Variants in TOMM20L observed in about 807,000 individuals in gnomAD.
TOMM20L encodes the protein TOMM20-like protein 1.
TOMM20L carries 19 observed loss-of-function variants against 20.4 expected under a neutral mutation model. The ratio of observed to expected loss-of-function variants is 0.93; its 90% CI spans 0.65 to 1.36. The LOEUF (loss-of-function observed/expected upper bound fraction) is 1.36. Among genes scored for constraint, TOMM20L ranks in the 40% most tolerant of loss-of-function variants. The pLI is 0.00. For missense variants in TOMM20L, 218 were observed against 203.7 expected (o/e 1.07, Z -0.43); for synonymous variants, 75 against 79.6 (o/e 0.94, Z 0.30).
chr14:58,411,819 G>A, downstream of TOMM20L: 1 of 1,238,342 alleles, frequency 8.1e-7, no homozygotes. Flanking sequence ...TTACAGATGT[G>A]AGCCACTGCA....
intron 4 of TOMM20L, among the ~76,000 whole-genome samples, chr14:58,408,173 T>C (rs1456290101): frequency 6.6e-6 from 1 of 152,068 alleles, no homozygotes; most frequent in South Asian, 2.1e-4. Flanking sequence ...TCCTAGCACT[T>C]TGGGAGGCTG....
the TOMM20L span, among the ~76,000 whole-genome samples, chr14:58,414,625 C>G: frequency 1.3e-5 from 2 of 151,012 alleles, no homozygotes; most frequent in African/African-American, 2.4e-5. Context: ...GTAATCCCAG[C>G]TACTCAGGAG....
At chr14:58,412,006 A>G, downstream of TOMM20L, 1 of 1,513,602 alleles carries the variant, frequency 6.6e-7, no homozygotes, top group Non-Finnish European at 9.2e-7. Flanking sequence ...TTGTCAATCT[A>G]TAAACAAATG....
At position 58,407,350 on chromosome 14, in the gene TOMM20L, A is replaced by T. The variant is rs780014985; in HGVS notation, c.287A>T (p.His96Leu). 2 of 1,609,460 alleles carry T rather than the reference A, an allele frequency of 1.2e-6. No homozygotes were observed. Among genetic ancestry groups the T allele is most frequent in the Non-Finnish European group, 1.7e-6 (2 of 1,178,528 alleles). The change falls in exon 4 of 5, where the codon CAC becomes CTC. Residue 96 changes from histidine (H) to leucine (L), a missense_variant. Transcript: ENST00000360945. ...GGAGAGCACAGAATGGGGATTCAAC[A>T]CCTCGGCAATGCCCTTTTAGTGTGC... is the stretch of plus-strand genomic sequence containing the variant. ...SRGEHRMGIQ[H>L]LGNALLVCEQ...
chr14:58,408,071 A>C (rs1021359093), intron 4 of TOMM20L, among the ~76,000 whole-genome samples: 9 of 152,220 alleles, frequency 5.9e-5, no homozygotes, highest in Non-Finnish European at 1.3e-4. Context: ...ACTCTTAAAC[A>C]TTCCCAAACT....
intron 1 of TOMM20L, 61 bp from the exon 2 acceptor site, chr14:58,396,237 T>C (rs1007012986): frequency 6.9e-6 from 11 of 1,604,586 alleles, no homozygotes; most frequent in Non-Finnish European, 9.4e-6. Flanking sequence ...GCAGGACCAC[T>C]GGGCCCACGC....
intron 2 of TOMM20L, among the ~76,000 whole-genome samples, chr14:58,399,493 G>A (rs1270974464): frequency 6.6e-6 from 1 of 152,068 alleles, no homozygotes; most frequent in Non-Finnish European, 1.5e-5. Flanking sequence ...GATTCAGTAG[G>A]TCTGGGTGGA....
chr14:58,399,379 G>A (rs1566741589), intron 2 of TOMM20L, among the ~76,000 whole-genome samples: 1 of 152,038 alleles, frequency 6.6e-6, no homozygotes. Flanking sequence ...CAGTAGCCTG[G>A]GGAATTCTTA....
chr14:58,397,094 A>G (rs1382537739), intron 2 of TOMM20L, among the ~76,000 whole-genome samples: 1 of 152,192 alleles, frequency 6.6e-6, no homozygotes, highest in African/African-American at 2.4e-5. Context: ...GGGTGTTCCT[A>G]TGTTGCCCAG....
intron 3 of TOMM20L, among the ~76,000 whole-genome samples, chr14:58,404,028 T>G (rs536970876): frequency 7.4e-6 from 1 of 135,938 alleles, no homozygotes; most frequent in African/African-American, 2.7e-5. Flanking sequence ...TTTCTTAATT[T>G]AAGAAGTAAC....
intron 3 of TOMM20L, among the ~76,000 whole-genome samples, chr14:58,404,390 A>C (rs2036032909): frequency 6.6e-6 from 1 of 150,704 alleles, no homozygotes; most frequent in African/African-American, 2.4e-5. Flanking sequence ...CGGCCTCCCA[A>C]AGTGCTGGGA....
chr14:58,405,614 CGT>C (rs2036047866), intron 3 of TOMM20L, among the ~76,000 whole-genome samples: 1 of 152,186 alleles, frequency 6.6e-6, no homozygotes, highest in East Asian at 1.9e-4. Flanking sequence ...AAGCAATTCT[CGT>C]GTCTCAGCCT....
chr14:58,408,697 C>G lies in TOMM20L; in HGVS notation c.*115C>G. 1 of 1,023,548 alleles carries G rather than the reference C, an allele frequency of 9.8e-7. No individual in the cohort carries two copies. Among genetic ancestry groups the G allele is most frequent in the Non-Finnish European group, 1.4e-6 (1 of 708,042 alleles). 63.4% of individuals were successfully genotyped at this position (1,023,548 alleles called of 1,614,324 possible). A position where few individuals can be genotyped will look rare whatever the true frequency, so the allele number is the denominator to read the frequency against. Reference sequence around the variant, plus strand: ...CTTTGAGTAATAAAAATTTTTCTATCTCATACATGATCGAACACATAAGTT... The same window carrying G: ...CTTTGAGTAATAAAAATTTTTCTATGTCATACATGATCGAACACATAAGTT... On this transcript the variant is annotated 3_prime_UTR_variant, in exon 5 of 5. Transcript: ENST00000360945.
intron 2 of TOMM20L, among the ~76,000 whole-genome samples, chr14:58,402,349 T>C (rs1161241028): frequency 1.3e-5 from 2 of 151,924 alleles, no homozygotes; most frequent in Non-Finnish European, 2.9e-5. Flanking sequence ...AGTGCAATGG[T>C]GTGATCTTGG....
At chr14:58,397,435 G>A (rs879510364) in intron 2 of TOMM20L, among the ~76,000 whole-genome samples, 4 of 152,304 alleles carry the variant, frequency 2.6e-5, no homozygotes, top group Middle Eastern at 3.4e-3. Flanking sequence ...AACAGGGATG[G>A]CAAGGTTTTG....
the TOMM20L span, among the ~76,000 whole-genome samples, chr14:58,415,640 T>G: frequency 6.6e-6 from 1 of 151,920 alleles, no homozygotes; most frequent in Non-Finnish European, 1.5e-5. Context: ...AGCCAGAAAA[T>G]AGAATTCTTC....
chr14:58,414,020 A>AAAG, the TOMM20L span, among the ~76,000 whole-genome samples: 1 of 148,452 alleles, frequency 6.7e-6, no homozygotes, highest in Non-Finnish European at 1.5e-5. Flanking sequence ...AAAAAAAAAA[A>AAAG]AAAAAAAAAA....
Position 58,408,676 on chromosome 14 carries a change from G to T in TOMM20L, c.*94G>T. 7.7e-7 allele frequency: 1 copy of T among 1,307,094 alleles called. No individual in the cohort carries two copies. Among genetic ancestry groups the T allele is most frequent in the South Asian group, 1.4e-5 (1 of 69,630 alleles). The allele number at this position is 1,307,094 out of a possible 1,614,324, so 81.0% of individuals were successfully genotyped here. A position where few individuals can be genotyped will look rare whatever the true frequency, so the allele number is the denominator to read the frequency against. The stretch of plus-strand genomic sequence containing the variant: ...GTGATATTTCCATTTATTTTACTTT[G>T]AGTAATAAAAATTTTTCTATCTCAT... On this transcript the variant is annotated 3_prime_UTR_variant, in exon 5 of 5. Coordinates refer to ENST00000360945, the MANE Select transcript of TOMM20L (RefSeq NM_207377.3).
chr14:58,399,968 G>C (rs927383274), intron 2 of TOMM20L, among the ~76,000 whole-genome samples: 1 of 126,044 alleles, frequency 7.9e-6, no homozygotes, highest in Admixed American at 9.4e-5. Context: ...GCAACTAAAG[G>C]CTTTTATTAC....
Sources: allele counts gnomAD v4.1 joint callset (sites outside exome capture counted in the v4.1 genomes callset), GRCh38; gene constraint gnomAD v4.1.1; transcripts MANE v1.5; gene names NCBI Gene and HGNC (gene_info 2026-07-23, HGNC 2026-07-21).